ZMAT4: variants seen among roughly 807,000 people sequenced by gnomAD.
ZMAT4 encodes the protein zinc finger matrin-type protein 4.
ZMAT4 carries 17 observed loss-of-function variants against 28.7 expected under a neutral mutation model. The observed-to-expected ratio is 0.59, with a 90% CI of 0.41 to 0.89. The LOEUF is 0.89. ZMAT4 is among the 40% of genes least tolerant of loss of function. The probability of loss-of-function intolerance (pLI) is 0.00; values close to 1 mark genes in which losing one functional copy is unlikely to be tolerated. For missense variants in ZMAT4, 240 were observed against 283.8 expected (o/e 0.85, Z 1.11); for synonymous variants, 117 against 109.2 (o/e 1.07, Z -0.44).
Position 40,803,100 on chromosome 8 carries a change from AAT to A in ZMAT4, c.102+22473_102+22474del, listed in dbSNP as rs554069104. ...AAATGAGCCACAGACCTAAATTTAAAATATACAACTATGAAATTTCTAGAAGA... is the reference window on the plus strand; with the variant it reads ...AAATGAGCCACAGACCTAAATTTAAAATACAACTATGAAATTTCTAGAAGA... On this transcript the variant is annotated intron_variant, in intron 2 of 6. Coordinates refer to ENST00000297737, the MANE Select transcript of ZMAT4 (RefSeq NM_024645.3). 2.6e-5 allele frequency among the ~76,000 whole-genome samples: 4 copies of A among 152,320 alleles called. No individual in the cohort carries two copies. In the South Asian group the frequency reaches 8.3e-4, roughly 32 times the overall value.
At chr8:40,605,658 C>G (rs982897809) in intron 5 of ZMAT4, among the ~76,000 whole-genome samples, 21 of 152,108 alleles carry the variant, frequency 1.4e-4, no homozygotes, top group Non-Finnish European at 2.5e-4. Flanking sequence ...GTAGAATGTT[C>G]TGTAAATATC....
intron 5 of ZMAT4, among the ~76,000 whole-genome samples, chr8:40,640,674 A>T (rs1478229745): frequency 6.6e-6 from 1 of 152,066 alleles, no homozygotes; most frequent in Non-Finnish European, 1.5e-5. Context: ...AAAAAAAAGT[A>T]TAGAGGCCAG....
intron 1 of ZMAT4, among the ~76,000 whole-genome samples, chr8:40,830,979 C>G (rs1415202973): frequency 6.6e-6 from 1 of 151,568 alleles, no homozygotes; most frequent in Admixed American, 6.6e-5. Context: ...CAGAGACACG[C>G]AAAAAGGGGA....
intron 1 of ZMAT4, among the ~76,000 whole-genome samples, chr8:40,845,981 A>C (rs1375219840): frequency 2.0e-5 from 3 of 152,086 alleles, no homozygotes; most frequent in Non-Finnish European, 4.4e-5. Flanking sequence ...GAATCCTGGA[A>C]TTCGAAGGTT....
At chr8:40,770,549 A>AC (rs779896473) in intron 2 of ZMAT4, among the ~76,000 whole-genome samples, 5 of 117,720 alleles carry the variant, frequency 4.2e-5, no homozygotes, top group African/African-American at 1.6e-4. Context: ...TTTCTCTCTC[A>AC]TTTTTTTTTT....
At chr8:40,656,223 A>G (rs1319718440) in intron 5 of ZMAT4, among the ~76,000 whole-genome samples, 1 of 152,142 alleles carries the variant, frequency 6.6e-6, no homozygotes, top group East Asian at 1.9e-4. Context: ...CCATCAGGAA[A>G]AAAGTAAATC....
At chr8:40,770,196 C>T (rs980612309) in intron 2 of ZMAT4, among the ~76,000 whole-genome samples, 2 of 152,108 alleles carry the variant, frequency 1.3e-5, no homozygotes, top group African/African-American at 2.4e-5. Context: ...CCCTGGGCAC[C>T]GTTTTTCCCT....
chr8:40,794,543 C>T (rs114780920), intron 2 of ZMAT4, among the ~76,000 whole-genome samples: 23 of 152,292 alleles, frequency 1.5e-4, no homozygotes, highest in African/African-American at 5.3e-4. Flanking sequence ...CTTGGTGTTG[C>T]CTCCCTGTCT....
Position 40,788,691 on chromosome 8 carries a change from A to G in ZMAT4, c.103-20961T>C, listed in dbSNP as rs1286802272. Among the ~76,000 whole-genome samples the G allele has an allele frequency of 2.6e-5, 4 of 152,190 alleles. No individual in the cohort carries two copies. The East Asian group carries it at 7.8e-4, about 30-fold the overall frequency. On this transcript the variant is annotated intron_variant, in intron 2 of 6. Transcript: ENST00000297737. ...CAATTGTACACCAACTCTTCCCAAA[A>G]TTGAAAAAGAGGGAATACTTTCCAA...
At position 40,668,340 on chromosome 8, in the gene ZMAT4, C is replaced by T. The variant is rs112493013; in HGVS notation, c.577+6364G>A. On this transcript the variant is annotated intron_variant, in intron 5 of 6. Coordinates refer to ENST00000297737, the MANE Select transcript of ZMAT4 (RefSeq NM_024645.3). The stretch of plus-strand genomic sequence containing the variant: ...CAAAAATTAACCAGGCTTGGTGGCA[C>T]GCACCTGTAGTCCCAGCTACTCCAG... Among the ~76,000 whole-genome samples the T allele has an allele frequency of 4.2e-4, 63 of 151,636 alleles. 1 individual carries two copies. Among genetic ancestry groups the T allele is most frequent in the African/African-American group, 1.4e-3 (58 of 41,378 alleles).
At chr8:40,812,980 TAAA>T (rs1815386928) in intron 2 of ZMAT4, among the ~76,000 whole-genome samples, 2 of 124,310 alleles carry the variant, frequency 1.6e-5, no homozygotes, top group African/African-American at 5.5e-5. Flanking sequence ...TAAATTAAAT[TAAA>T]TTAAAAAATA....
At chr8:40,688,364 G>C (rs1809512030) in intron 4 of ZMAT4, among the ~76,000 whole-genome samples, 2 of 152,130 alleles carry the variant, frequency 1.3e-5, no homozygotes, top group Admixed American at 6.5e-5. Flanking sequence ...GCTGAGGCAG[G>C]AGAATTGCTT....
chr8:40,849,813 A>G (rs1234345394), intron 1 of ZMAT4, among the ~76,000 whole-genome samples: 1 of 152,166 alleles, frequency 6.6e-6, no homozygotes, highest in Non-Finnish European at 1.5e-5. Context: ...TCAATTACAT[A>G]GCAGTTTATG....
rs1285912511 is a variant in ZMAT4, at chr8:40,544,365, T to C, written c.675-12127A>G. ...TTCAGGAAAACATGGTATAGACATA[T>C]AGCCACAGGTAAGACTACATAACTA... On this transcript the variant is annotated intron_variant, in intron 6 of 6. Coordinates refer to ENST00000297737, the MANE Select transcript of ZMAT4 (RefSeq NM_024645.3). Among the ~76,000 whole-genome samples the C allele has an allele frequency of 2.0e-5, 3 of 152,158 alleles. No homozygotes were observed. The East Asian group carries it at 5.8e-4, about 29-fold the overall frequency.
chr8:40,774,965 A>C (rs1321991063), intron 2 of ZMAT4, among the ~76,000 whole-genome samples: 1 of 152,214 alleles, frequency 6.6e-6, no homozygotes, highest in Non-Finnish European at 1.5e-5. Flanking sequence ...TCATTCTAAT[A>C]GTCCTACCTT....
At chr8:40,769,034 T>G (rs1813278989) in intron 2 of ZMAT4, among the ~76,000 whole-genome samples, 1 of 152,210 alleles carries the variant, frequency 6.6e-6, no homozygotes, top group Non-Finnish European at 1.5e-5. Flanking sequence ...ATTCATCACT[T>G]TCTTAATTCC....
intron 3 of ZMAT4, among the ~76,000 whole-genome samples, chr8:40,716,606 C>A (rs571727559): frequency 6.6e-6 from 1 of 152,098 alleles, no homozygotes; most frequent in African/African-American, 2.4e-5. Context: ...GCAGGAGAAT[C>A]GCTTGAACCT....
chr8:40,887,411 C>T (rs748454323), intron 1 of ZMAT4, among the ~76,000 whole-genome samples: 22 of 151,494 alleles, frequency 1.5e-4, no homozygotes, highest in Non-Finnish European at 2.6e-4. Flanking sequence ...ATTGCTTGAA[C>T]CCAGGAGGCA....
intron 2 of ZMAT4, among the ~76,000 whole-genome samples, chr8:40,818,680 T>C (rs1186081383): frequency 6.6e-6 from 1 of 152,198 alleles, no homozygotes; most frequent in East Asian, 1.9e-4. Flanking sequence ...TCACCTGCAT[T>C]ACCCAGGGTA....
Sources: allele counts gnomAD v4.1 joint callset (sites outside exome capture counted in the v4.1 genomes callset), GRCh38; gene constraint gnomAD v4.1.1; transcripts MANE v1.5; gene names NCBI Gene and HGNC (gene_info 2026-07-23, HGNC 2026-07-21).